B3GAT2: variants seen among roughly 807,000 people sequenced by gnomAD.
B3GAT2 encodes galactosylgalactosylxylosylprotein 3-beta-glucuronosyltransferase 2.
In B3GAT2, 26 loss-of-function variants were observed where a neutral mutation model predicts 27.8. The ratio of observed to expected loss-of-function variants is 0.93; its 90% CI spans 0.68 to 1.30. B3GAT2 has a LOEUF of 1.30. Among genes scored for constraint, B3GAT2 ranks in the 50% most tolerant of loss-of-function variants. The probability of loss-of-function intolerance (pLI) is 0.00; values close to 1 mark genes in which losing one functional copy is unlikely to be tolerated. For missense variants in B3GAT2, 458 were observed against 459.0 expected (o/e 1.00, Z 0.02); for synonymous variants, 218 against 195.1 (o/e 1.12, Z -0.98).
intron 1 of B3GAT2, among the ~76,000 whole-genome samples, chr6:70,916,092 G>A (rs1056967707): frequency 6.6e-6 from 1 of 152,040 alleles, no homozygotes; most frequent in African/African-American, 2.4e-5. Flanking sequence ...GTGGTTTGTA[G>A]TTCTCCTTGA....
intron 1 of B3GAT2, among the ~76,000 whole-genome samples, chr6:70,934,705 T>C (rs1773113996): frequency 6.6e-6 from 1 of 152,164 alleles, no homozygotes. Flanking sequence ...AACACTGCTG[T>C]AAGAAAATGA....
chr6:70,865,939 C>G (rs183572894), intron 2 of B3GAT2, among the ~76,000 whole-genome samples: 1 of 152,144 alleles, frequency 6.6e-6, no homozygotes, highest in African/African-American at 2.4e-5. Flanking sequence ...GAGGGGAACC[C>G]GGAAAGCTCT....
intron 1 of B3GAT2, among the ~76,000 whole-genome samples, chr6:70,954,531 G>C (rs991817032): frequency 1.2e-4 from 18 of 152,286 alleles, no homozygotes; most frequent in African/African-American, 4.3e-4. Context: ...GCTCTGCCCT[G>C]GGGTTAAGAA....
rs1009995178 is a variant in B3GAT2 at position 70,859,991 on chromosome 6, A to ATCTT, written c.*1668_*1671dup. On this transcript the variant is annotated 3_prime_UTR_variant, in exon 4 of 4. Transcript: ENST00000230053. ...TTTTTTTTTAAGTAAGTTGTGGTTA[A>ATCTT]TCTTTGGGGAAACTGTATCTAGAAA... The ATCTT allele has an allele frequency of 3.2e-5, 15 of 462,630 alleles. No individual in the cohort carries two copies. Among genetic ancestry groups the ATCTT allele is most frequent in the African/African-American group, 8.0e-5 (4 of 49,820 alleles). 28.7% of individuals were successfully genotyped at this position (462,630 alleles called of 1,614,324 possible).
chr6:70,878,150 A>G (rs931281984), intron 2 of B3GAT2, among the ~76,000 whole-genome samples: 1 of 152,206 alleles, frequency 6.6e-6, no homozygotes, highest in Non-Finnish European at 1.5e-5. Context: ...TTCTGTGTCT[A>G]TTGAGTACAG....
chr6:70,937,188 C>G lies in B3GAT2; in HGVS notation c.591+18651G>C, dbSNP rs1014491226. Among the ~76,000 whole-genome samples, 109 of 152,174 alleles carry G rather than the reference C, an allele frequency of 7.2e-4. No individual in the cohort carries two copies. In the East Asian group the frequency reaches 0.012, roughly 17 times the overall value. ...AAATTCCTCGGCACATACACCCTCC[C>G]AAGACTAAACCAGGAAGAAGTTGAA... On this transcript the variant is annotated intron_variant, in intron 1 of 3. Transcript: ENST00000230053.
intron 1 of B3GAT2, 54 bp downstream of exon 1, chr6:70,955,785 G>A: frequency 1.3e-6 from 2 of 1,496,058 alleles, no homozygotes; most frequent in East Asian, 5.7e-5. Context: ...AGCCCGGCCG[G>A]CCCGGAGGCC....
At chr6:70,945,423 A>C (rs1765464271) in intron 1 of B3GAT2, among the ~76,000 whole-genome samples, 1 of 152,172 alleles carries the variant, frequency 6.6e-6, no homozygotes, top group African/African-American at 2.4e-5. Context: ...CTACATGAAG[A>C]ATGCAGAAGC....
intron 1 of B3GAT2, among the ~76,000 whole-genome samples, chr6:70,941,957 T>G (rs1000979039): frequency 3.3e-5 from 5 of 152,160 alleles, no homozygotes; most frequent in Non-Finnish European, 5.9e-5. Context: ...TGATATCAGG[T>G]GCTCTAAAGG....
chr6:70,902,461 T>C (rs1047668937), intron 1 of B3GAT2, among the ~76,000 whole-genome samples: 1 of 152,058 alleles, frequency 6.6e-6, no homozygotes, highest in African/African-American at 2.4e-5. Context: ...AGCTACCAAA[T>C]GATGCAGCAA....
intron 1 of B3GAT2, among the ~76,000 whole-genome samples, chr6:70,936,493 A>G (rs2150047638): frequency 6.6e-6 from 1 of 152,238 alleles, no homozygotes; most frequent in Non-Finnish European, 1.5e-5. Flanking sequence ...AATTGACCAC[A>G]TAGTTGGAAG....
rs1554211154 is a variant in B3GAT2, at chr6:70,858,826, T to TAAAAAGAGTACAAA, written c.*2823_*2836dup. ...CATACCCTATAATGACTTTTATGTT[T>TAAAAAGAGTACAAA]AAAAAGAGTACAAAAAGATTCAATT... On this transcript the variant is annotated 3_prime_UTR_variant, in exon 4 of 4. Transcript: ENST00000230053. The TAAAAAGAGTACAAA allele has an allele frequency of 3.9e-5, 6 of 152,952 alleles. No homozygotes were observed. Among genetic ancestry groups the TAAAAAGAGTACAAA allele is most frequent in the African/African-American group, 1.4e-4 (6 of 41,578 alleles). 9.5% of individuals were successfully genotyped at this position (152,952 alleles called of 1,614,324 possible). A position where few individuals can be genotyped will look rare whatever the true frequency, so the allele number is the denominator to read the frequency against.
intron 1 of B3GAT2, among the ~76,000 whole-genome samples, chr6:70,937,988 G>C (rs1765324664): frequency 6.6e-6 from 1 of 151,310 alleles, no homozygotes; most frequent in African/African-American, 2.4e-5. Context: ...CGACATGATT[G>C]TATATCTACA....
intron 2 of B3GAT2, among the ~76,000 whole-genome samples, chr6:70,891,535 A>G (rs1354152078): frequency 6.6e-6 from 1 of 152,178 alleles, no homozygotes; most frequent in Non-Finnish European, 1.5e-5. Context: ...TTGATACTCA[A>G]ATGAGTTTCC....
At chr6:70,932,065 A>G (rs1217802697) in intron 1 of B3GAT2, among the ~76,000 whole-genome samples, 1 of 152,174 alleles carries the variant, frequency 6.6e-6, no homozygotes, top group Non-Finnish European at 1.5e-5. Context: ...TCACAAAGAC[A>G]TATCACTTCA....
chr6:70,857,796 G>A lies in B3GAT2; in HGVS notation c.*3867C>T. The A allele has an allele frequency of 9.7e-7, 1 of 1,036,202 alleles. No individual in the cohort carries two copies. Among genetic ancestry groups the A allele is most frequent in the Admixed American group, 2.5e-5 (1 of 40,376 alleles). The allele number at this position is 1,036,202 out of a possible 1,614,324, so 64.2% of individuals were successfully genotyped here. On this transcript the variant is annotated 3_prime_UTR_variant, in exon 4 of 4. Transcript: ENST00000230053. Reference sequence around the variant, plus strand: ...GTGTGGGTTGGTCTGAGTAGTAGGAGCAGCCAAACTGGAATTAAAATGTTT... The same window carrying A: ...GTGTGGGTTGGTCTGAGTAGTAGGAACAGCCAAACTGGAATTAAAATGTTT...
chr6:70,880,190 T>C lies in B3GAT2; in HGVS notation c.736+13938A>G, dbSNP rs566797745. On this transcript the variant is annotated intron_variant, in intron 2 of 3. Transcript: ENST00000230053. ...AGCTTTCACAGGGCAGCCGCATACC[T>C]GTACATTCTAAGAACTAAGAGTAGT... 2.2e-3 allele frequency among the ~76,000 whole-genome samples: 328 copies of C among 152,174 alleles called. 1 individual carries two copies. Among genetic ancestry groups the C allele is most frequent in the African/African-American group, 7.6e-3 (316 of 41,522 alleles).
At chr6:70,895,984 T>C (rs1772377020) in intron 1 of B3GAT2, among the ~76,000 whole-genome samples, 1 of 152,202 alleles carries the variant, frequency 6.6e-6, no homozygotes, top group African/African-American at 2.4e-5. Flanking sequence ...AAACATTTCC[T>C]ACCCTTATAA....
At chr6:70,870,056 A>T (rs1771909082) in intron 2 of B3GAT2, among the ~76,000 whole-genome samples, 1 of 152,122 alleles carries the variant, frequency 6.6e-6, no homozygotes, top group Admixed American at 6.5e-5. Context: ...TACCCAAAGG[A>T]TTATAAATCA....
Sources: gnomAD v4.1 joint callset for allele counts (sites outside exome capture counted in the v4.1 genomes callset) on GRCh38, gnomAD v4.1.1 for gene constraint, MANE v1.5 for transcripts, NCBI Gene and HGNC (gene_info 2026-07-23, HGNC 2026-07-21) for gene names.